FGD4: variants seen among roughly 807,000 people sequenced by gnomAD.
FGD4 encodes the protein FYVE, RhoGEF and PH domain-containing protein 4.
FGD4 carries 42 observed loss-of-function variants against 102.0 expected under a neutral mutation model. That is an observed-to-expected ratio of 0.41 (90% confidence interval 0.32 to 0.53). The LOEUF is 0.53. Among genes scored for constraint, FGD4 ranks in the 20% least tolerant of loss-of-function variants. The probability of loss-of-function intolerance (pLI) is 0.21; values close to 1 mark genes in which losing one functional copy is unlikely to be tolerated. For synonymous variants in FGD4, 380 were observed against 375.7 expected (o/e 1.01, Z -0.13); for missense variants, 902 against 1,078.2 (o/e 0.84, Z 2.29).
chr12:32,418,908 A>C (rs1379360908), intron 1 of FGD4, among the ~76,000 whole-genome samples: 2 of 152,314 alleles, frequency 1.3e-5, no homozygotes, highest in East Asian at 3.9e-4. Context: ...TACTGTGGTT[A>C]AGGTGGCACG....
intron 1 of FGD4, among the ~76,000 whole-genome samples, chr12:32,517,601 T>C (rs1940030762): frequency 6.6e-6 from 1 of 152,124 alleles, no homozygotes. Flanking sequence ...GGAGATATGA[T>C]TAGTCTTAGG....
At chr12:32,551,648 A>G (rs1943676375) in intron 1 of FGD4, among the ~76,000 whole-genome samples, 1 of 152,206 alleles carries the variant, frequency 6.6e-6, no homozygotes, top group Non-Finnish European at 1.5e-5. Flanking sequence ...TACAATTGGT[A>G]TCCAAACAGC....
chr12:32,610,673 G>T (rs1212213973), intron 8 of FGD4, 103 bp from the exon 9 acceptor site: 1 of 1,009,020 alleles, frequency 9.9e-7, no homozygotes, highest in Non-Finnish European at 1.5e-6. Flanking sequence ...TATTTTTGTT[G>T]TATCTTTGGT....
chr12:32,526,110 C>A (rs1011337492), intron 1 of FGD4, among the ~76,000 whole-genome samples: 3 of 152,342 alleles, frequency 2.0e-5, no homozygotes, highest in Admixed American at 6.5e-5. Flanking sequence ...GTGCGGGATC[C>A]ACTAGGTGAA....
chr12:32,565,384 T>G (rs1945107240), intron 2 of FGD4, among the ~76,000 whole-genome samples: 1 of 152,232 alleles, frequency 6.6e-6, no homozygotes. Context: ...CAACCATTTC[T>G]TTTGACTACA....
At chr12:32,534,399 T>G in intron 1 of FGD4, 1 of 1,499,614 alleles carries the variant, frequency 6.7e-7, no homozygotes, top group Non-Finnish European at 8.8e-7. Flanking sequence ...AGGAGTGAGA[T>G]TTTATCACAT....
intron 15 of FGD4, among the ~76,000 whole-genome samples, chr12:32,635,130 T>C (rs1333311577): frequency 6.6e-6 from 1 of 152,222 alleles, no homozygotes; most frequent in Admixed American, 6.5e-5. Flanking sequence ...AAGGTCCATT[T>C]GAGGCTAAGT....
At chr12:32,415,855 A>T (rs890338866) in intron 1 of FGD4, among the ~76,000 whole-genome samples, 1 of 151,922 alleles carries the variant, frequency 6.6e-6, no homozygotes, top group African/African-American at 2.4e-5. Flanking sequence ...ATTTCATCTG[A>T]TATAAGTATA....
At chr12:32,564,380 T>A in intron 2 of FGD4, 91 bp downstream of exon 2, 1 of 1,446,140 alleles carries the variant, frequency 6.9e-7, no homozygotes, top group Non-Finnish European at 9.2e-7. Flanking sequence ...GAAAGTGTTT[T>A]AAGCTAGAAG....
chr12:32,453,198 TATTATATATATATATATATATAATATAG>T (rs1325852102), intron 1 of FGD4, among the ~76,000 whole-genome samples: 3 of 34,546 alleles, frequency 8.7e-5, no homozygotes, highest in South Asian at 1.2e-3. Flanking sequence ...TTTATATATA[TATTATATATATATATATATATAATATAG>T]ATATATATAT....
At chr12:32,562,377 CTG>C (rs1273926282) in intron 1 of FGD4, among the ~76,000 whole-genome samples, 1 of 152,200 alleles carries the variant, frequency 6.6e-6, no homozygotes, top group Non-Finnish European at 1.5e-5. Flanking sequence ...GTAACTATGA[CTG>C]TTTTTGTTTT....
intron 1 of FGD4, among the ~76,000 whole-genome samples, chr12:32,428,757 G>T (rs1009097216): frequency 1.3e-5 from 2 of 150,750 alleles, no homozygotes; most frequent in Admixed American, 1.3e-4. Flanking sequence ...ATCTTGTCTT[G>T]TGCTTTATTT....
At chr12:32,620,185 C>A (rs1949722262) in intron 11 of FGD4, among the ~76,000 whole-genome samples, 1 of 152,204 alleles carries the variant, frequency 6.6e-6, no homozygotes, top group African/African-American at 2.4e-5. Context: ...AAGGTTCTCT[C>A]CTAATCCTAT....
At chr12:32,481,362 T>C (rs1005243973) in intron 1 of FGD4, among the ~76,000 whole-genome samples, 18 of 152,168 alleles carry the variant, frequency 1.2e-4, no homozygotes, top group African/African-American at 4.1e-4. Context: ...TATTGTAATA[T>C]GGTCTTACAA....
At chr12:32,636,021 T>TAAA (rs1255651036) in intron 15 of FGD4, among the ~76,000 whole-genome samples, 1 of 141,356 alleles carries the variant, frequency 7.1e-6, no homozygotes. Context: ...CTAATAATAA[T>TAAA]AATAATAATA....
intron 1 of FGD4, among the ~76,000 whole-genome samples, chr12:32,404,179 T>C (rs1210283885): frequency 1.3e-5 from 2 of 152,082 alleles, no homozygotes; most frequent in Non-Finnish European, 2.9e-5. Context: ...ATATCTGTTG[T>C]AATTTATTCA....
chr12:32,624,891 A>G (rs1459275309), intron 12 of FGD4, 85 bp from the exon 13 acceptor site: 4 of 1,154,152 alleles, frequency 3.5e-6, no homozygotes, highest in Admixed American at 1.7e-5. Flanking sequence ...AGTGATTCCT[A>G]TCATAGATAT....
At chr12:32,480,837 T>C (rs1174367238) in intron 1 of FGD4, among the ~76,000 whole-genome samples, 1 of 144,018 alleles carries the variant, frequency 6.9e-6, no homozygotes, top group African/African-American at 2.6e-5. Flanking sequence ...AGGATCTTGC[T>C]CTATTGCCCA....
chr12:32,540,687 T>C (rs1480672647), intron 1 of FGD4, among the ~76,000 whole-genome samples: 1 of 151,852 alleles, frequency 6.6e-6, no homozygotes, highest in Non-Finnish European at 1.5e-5. Context: ...TGCCTCAGCC[T>C]CCCGAGTAGC....
Sources: gnomAD v4.1 joint callset for allele counts (sites outside exome capture counted in the v4.1 genomes callset) on GRCh38, gnomAD v4.1.1 for gene constraint, MANE v1.5 for transcripts, NCBI Gene and HGNC (gene_info 2026-07-23, HGNC 2026-07-21) for gene names.